IMMP2L: variants seen among roughly 807,000 people sequenced by gnomAD.
The protein encoded by IMMP2L is inner mitochondrial membrane peptidase subunit 2.
Under a neutral mutation model 19.3 loss-of-function variants are expected in IMMP2L, and 18 were observed. The observed-to-expected ratio is 0.93, with a 90% CI of 0.64 to 1.38. The LOEUF is 1.38. IMMP2L is among the 40% of genes most tolerant of loss of function. The pLI is 0.00. For missense variants in IMMP2L, 233 were observed against 218.2 expected (o/e 1.07, Z -0.43); for synonymous variants, 76 against 73.0 (o/e 1.04, Z -0.21).
intron 3 of IMMP2L, among the ~76,000 whole-genome samples, chr7:111,381,222 A>G (rs1831171627): frequency 6.6e-6 from 1 of 151,972 alleles, no homozygotes; most frequent in Non-Finnish European, 1.5e-5. Flanking sequence ...TACAGCAGAT[A>G]CTACTAAGCT....
intron 3 of IMMP2L, among the ~76,000 whole-genome samples, chr7:111,313,783 A>C (rs954080093): frequency 1.3e-5 from 2 of 152,128 alleles, no homozygotes; most frequent in African/African-American, 4.8e-5. Flanking sequence ...ACAGCCAAGA[A>C]GGGTCATAGA....
At chr7:111,094,184 C>A (rs987441188) in intron 3 of IMMP2L, among the ~76,000 whole-genome samples, 7 of 152,028 alleles carry the variant, frequency 4.6e-5, no homozygotes, top group African/African-American at 1.5e-4. Context: ...TGTAACATGG[C>A]ACTATGGTAT....
intron 4 of IMMP2L, among the ~76,000 whole-genome samples, chr7:110,921,221 A>AT (rs1305330030): frequency 1.3e-5 from 2 of 152,158 alleles, no homozygotes; most frequent in Admixed American, 6.5e-5. Flanking sequence ...ACAAAAATAC[A>AT]TTTTTTCACG....
chr7:111,480,510 T>G (rs1842086963), intron 3 of IMMP2L, among the ~76,000 whole-genome samples: 1 of 150,856 alleles, frequency 6.6e-6, no homozygotes, highest in Admixed American at 6.6e-5. Context: ...GTACATATAC[T>G]TAGTAATGAC....
At chr7:111,135,799 C>T (rs1044781734) in intron 3 of IMMP2L, among the ~76,000 whole-genome samples, 1 of 152,110 alleles carries the variant, frequency 6.6e-6, no homozygotes, top group Admixed American at 6.6e-5. Context: ...GTCATTCTGC[C>T]TTTGACAAAC....
intron 3 of IMMP2L, among the ~76,000 whole-genome samples, chr7:111,016,020 A>T (rs959172524): frequency 6.6e-6 from 1 of 152,166 alleles, no homozygotes; most frequent in African/African-American, 2.4e-5. Flanking sequence ...ACTAAAATGT[A>T]GCACTAATAA....
intron 3 of IMMP2L, among the ~76,000 whole-genome samples, chr7:111,239,390 C>A (rs138910558): frequency 3.9e-5 from 6 of 151,970 alleles, no homozygotes; most frequent in South Asian, 2.1e-4. Context: ...TTAATTTTCA[C>A]AAACTTTCGA....
chr7:111,090,201 G>C (rs1273412931), intron 3 of IMMP2L, among the ~76,000 whole-genome samples: 1 of 151,986 alleles, frequency 6.6e-6, no homozygotes, highest in East Asian at 1.9e-4. Flanking sequence ...GCACTGCTAT[G>C]TGTTTCTGTG....
chr7:110,698,985 T>C (rs1794073590), intron 5 of IMMP2L, among the ~76,000 whole-genome samples: 3 of 152,216 alleles, frequency 2.0e-5, no homozygotes, highest in African/African-American at 4.8e-5. Context: ...GGTGAGGTGC[T>C]TTGACAGCTG....
At chr7:110,832,665 T>C (rs1187025861) in intron 5 of IMMP2L, among the ~76,000 whole-genome samples, 6 of 152,166 alleles carry the variant, frequency 3.9e-5, no homozygotes, top group South Asian at 2.1e-4. Context: ...TGGACAGGCA[T>C]TTTGCACATA....
chr7:111,001,446 C>T (rs1335443466), intron 3 of IMMP2L, among the ~76,000 whole-genome samples: 4 of 152,050 alleles, frequency 2.6e-5, no homozygotes, highest in South Asian at 4.2e-4. Flanking sequence ...TCACACATAA[C>T]GTTTGAACAG....
At chr7:111,427,829 AT>A (rs1170630691) in intron 3 of IMMP2L, among the ~76,000 whole-genome samples, 1 of 151,898 alleles carries the variant, frequency 6.6e-6, no homozygotes, top group Non-Finnish European at 1.5e-5. Context: ...CTTTAATGTC[AT>A]TAAGAGCAAA....
chr7:111,162,487 T>C lies in IMMP2L; in HGVS notation c.240-198922A>G, dbSNP rs1036413679. Among the ~76,000 whole-genome samples the C allele has an allele frequency of 6.6e-5, 10 of 152,178 alleles. 1 individual carries two copies. The South Asian group carries it at 1.5e-3, about 22-fold the overall frequency. On this transcript the variant is annotated intron_variant, in intron 3 of 5. Transcript: ENST00000405709. ...AAATATACTAAAGTTCATAAAAATA[T>C]ATACTACAGTCATCAAATGTAGTCA...
intron 3 of IMMP2L, among the ~76,000 whole-genome samples, chr7:111,242,376 C>A (rs541365303): frequency 2.0e-5 from 3 of 152,204 alleles, no homozygotes; most frequent in African/African-American, 7.2e-5. Flanking sequence ...GAATTGCAGT[C>A]ATTTTGATTC....
At chr7:110,840,814 T>C (rs577422409) in intron 5 of IMMP2L, among the ~76,000 whole-genome samples, 15 of 152,232 alleles carry the variant, frequency 9.9e-5, no homozygotes, top group Middle Eastern at 3.4e-3. Flanking sequence ...ATATAATATT[T>C]GTTTTTTTAA....
At chr7:111,063,104 C>T (rs932293871) in intron 3 of IMMP2L, among the ~76,000 whole-genome samples, 4 of 152,232 alleles carry the variant, frequency 2.6e-5, no homozygotes, top group Non-Finnish European at 4.4e-5. Flanking sequence ...ATGAGAGCTC[C>T]ACCCCTACAG....
chr7:111,298,308 A>G lies in IMMP2L; in HGVS notation c.239+188930T>C, dbSNP rs149401011. The stretch of plus-strand genomic sequence containing the variant: ...ACTTATGAGTTACATACCCTTGGGC[A>G]AATTACTTAATCTTTCTGTGCCAAG... On this transcript the variant is annotated intron_variant, in intron 3 of 5. Coordinates refer to ENST00000405709, the MANE Select transcript of IMMP2L (RefSeq NM_032549.4). 2.1e-3 allele frequency among the ~76,000 whole-genome samples: 327 copies of G among 152,290 alleles called. 3 individuals carry two copies. Among genetic ancestry groups the G allele is most frequent in the African/African-American group, 7.5e-3 (311 of 41,566 alleles).
chr7:110,847,200 A>C (rs1280371543), intron 5 of IMMP2L, among the ~76,000 whole-genome samples: 1 of 152,194 alleles, frequency 6.6e-6, no homozygotes, highest in African/African-American at 2.4e-5. Context: ...AATTAAAGTT[A>C]CAGGACTATT....
In IMMP2L at chr7:111,193,535, C is replaced by T. The variant is rs75290317; in HGVS notation, c.240-229970G>A. 4.1e-3 allele frequency among the ~76,000 whole-genome samples: 621 copies of T among 152,152 alleles called. 9 individuals carry two copies. Among genetic ancestry groups the T allele is most frequent in the African/African-American group, 0.015 (604 of 41,492 alleles). On this transcript the variant is annotated intron_variant, in intron 3 of 5. Coordinates refer to ENST00000405709, the MANE Select transcript of IMMP2L (RefSeq NM_032549.4). ...AACGACTTTTAAAGAAAATATAGTTCTTATTTTCACTCAGGTTTTATAACT... is the reference window on the plus strand; with the variant it reads ...AACGACTTTTAAAGAAAATATAGTTTTTATTTTCACTCAGGTTTTATAACT...
Sources: gnomAD v4.1 joint callset for allele counts (sites outside exome capture counted in the v4.1 genomes callset) on GRCh38, gnomAD v4.1.1 for gene constraint, MANE v1.5 for transcripts, NCBI Gene and HGNC (gene_info 2026-07-23, HGNC 2026-07-21) for gene names.